CLIP2: variants seen among roughly 807,000 people sequenced by gnomAD.
CLIP2 encodes the protein CAP-Gly domain-containing linker protein 2.
Under a neutral mutation model 111.7 loss-of-function variants are expected in CLIP2, and 41 were observed. That is an observed-to-expected ratio of 0.37 (90% CI 0.29 to 0.48). The LOEUF is 0.48. Among genes scored for constraint, CLIP2 ranks in the 20% least tolerant of loss-of-function variants. CLIP2 has a pLI of 0.99. For missense variants in CLIP2, 1,160 were observed against 1,422.1 expected (o/e 0.82, Z 2.96); for synonymous variants, 660 against 644.2 (o/e 1.02, Z -0.37).
intron 1 of CLIP2, among the ~76,000 whole-genome samples, chr7:74,298,888 A>G (rs1788247379): frequency 6.6e-6 from 1 of 152,102 alleles, no homozygotes; most frequent in African/African-American, 2.4e-5. Context: ...GCCCAGTGAG[A>G]GGAAGGGCAT....
intron 6 of CLIP2, among the ~76,000 whole-genome samples, chr7:74,359,385 G>A (rs1790250223): frequency 1.5e-5 from 2 of 133,448 alleles, no homozygotes; most frequent in Non-Finnish European, 3.1e-5. Flanking sequence ...GCAGAGTCTC[G>A]CTCTGTCGCC....
rs1267215890 is a variant in CLIP2 at position 74,338,378 on chromosome 7, G to C, written c.122-70G>C. 6.6e-7 allele frequency: 1 copy of C among 1,522,880 alleles called. No homozygotes were observed. Among genetic ancestry groups the C allele is most frequent in the African/African-American group, 1.4e-5 (1 of 71,598 alleles). 94.3% of individuals were successfully genotyped at this position (1,522,880 alleles called of 1,614,324 possible). On this transcript the variant is annotated intron_variant, in intron 2 of 16. Transcript: ENST00000223398. This position sits in a 1 kb window ranked among gnomAD's most constrained non-coding sequence, Gnocchi z 4.3. Reference sequence around the variant, plus strand: ...CAGCCACCTCCCAACCCTAGACTCTGTGCTCCTGGGGCCACCCAGGGGCCA... The same window carrying C: ...CAGCCACCTCCCAACCCTAGACTCTCTGCTCCTGGGGCCACCCAGGGGCCA...
chr7:74,347,750 AC>A (rs1454680569), intron 3 of CLIP2, among the ~76,000 whole-genome samples: 2 of 152,250 alleles, frequency 1.3e-5, no homozygotes, highest in East Asian at 3.8e-4. Flanking sequence ...TGAATATGTG[AC>A]TATGAATATT....
At chr7:74,396,597 T>C (rs1385058812) in intron 13 of CLIP2, among the ~76,000 whole-genome samples, 1 of 152,190 alleles carries the variant, frequency 6.6e-6, no homozygotes, top group African/African-American at 2.4e-5. Flanking sequence ...CTTGGCTCAC[T>C]GCAACCTCCA....
At position 74,404,026 on chromosome 7, in the gene CLIP2, C is replaced by T. The variant is rs1263357583; in HGVS notation, c.*178C>T. On this transcript the variant is annotated 3_prime_UTR_variant, in exon 17 of 17. Coordinates refer to ENST00000223398, the MANE Select transcript of CLIP2 (RefSeq NM_003388.5). The stretch of plus-strand genomic sequence containing the variant: ...ACCCCGATCCCTCGCCAGACCAGGA[C>T]GCTTCCTCAAGCCCAGCCTTCTACA... 25 of 694,820 alleles carry T rather than the reference C, an allele frequency of 3.6e-5. No individual in the cohort carries two copies. In the Middle Eastern group the frequency reaches 2.0e-3, roughly 55 times the overall value. 43.0% of individuals were successfully genotyped at this position (694,820 alleles called of 1,614,324 possible).
At chr7:74,302,338 CCCAAGTAGCAG>C (rs564299004) in intron 1 of CLIP2, among the ~76,000 whole-genome samples, 73 of 152,200 alleles carry the variant, frequency 4.8e-4, no homozygotes, top group African/African-American at 1.6e-3. Context: ...GCCTCAGCCT[CCCAAGTAGCAG>C]GGATTACAGG....
intron 1 of CLIP2, among the ~76,000 whole-genome samples, chr7:74,314,848 C>T (rs1009890280): frequency 1.3e-5 from 2 of 152,194 alleles, no homozygotes; most frequent in Non-Finnish European, 1.5e-5. Context: ...CCCTCCGGCC[C>T]CCTGCAGCCA....
intron 1 of CLIP2, among the ~76,000 whole-genome samples, chr7:74,307,881 T>C (rs1337660083): frequency 6.6e-6 from 1 of 152,136 alleles, no homozygotes; most frequent in African/African-American, 2.4e-5. Context: ...GTAGTGTTTC[T>C]GGGGATTTGT....
At position 74,362,057 on chromosome 7, in the gene CLIP2, C is replaced by T. The variant is rs573452292; in HGVS notation, c.1319+1779C>T. On this transcript the variant is annotated intron_variant, in intron 7 of 16. Coordinates refer to ENST00000223398, the MANE Select transcript of CLIP2 (RefSeq NM_003388.5). ...TGGAGGTTGCAGTGAACCGAGATCACACCACTACAGTACAGCTGGGTAACA... is the reference window on the plus strand; with the variant it reads ...TGGAGGTTGCAGTGAACCGAGATCATACCACTACAGTACAGCTGGGTAACA... 4.6e-5 allele frequency among the ~76,000 whole-genome samples: 7 copies of T among 151,188 alleles called. No individual in the cohort carries two copies. The East Asian group carries it at 1.2e-3, about 25-fold the overall frequency.
At chr7:74,389,440 A>T (rs1384735780) in intron 13 of CLIP2, 181 bp downstream of exon 13, 1 of 573,750 alleles carries the variant, frequency 1.7e-6, no homozygotes, top group Non-Finnish European at 2.9e-6. Context: ...AAGCCTCTAC[A>T]CTGTTTTCCA....
chr7:74,402,404 C>T (rs1554317869), intron 16 of CLIP2, among the ~76,000 whole-genome samples: 1 of 151,552 alleles, frequency 6.6e-6, no homozygotes, highest in African/African-American at 2.4e-5. Flanking sequence ...GTAATCCCAG[C>T]TACACGGGAA....
At chr7:74,389,288 C>G in intron 13 of CLIP2, 29 bp downstream of exon 13, 1 of 1,539,726 alleles carries the variant, frequency 6.5e-7, no homozygotes, top group Non-Finnish European at 8.7e-7. Context: ...CGGCTGGGTC[C>G]TCCCTGTGGC....
chr7:74,322,994 G>T (rs557986832), intron 2 of CLIP2, among the ~76,000 whole-genome samples: 4 of 152,160 alleles, frequency 2.6e-5, no homozygotes, highest in Non-Finnish European at 5.9e-5. Context: ...CTTCCAAAGC[G>T]CTGGGATTAC....
intron 3 of CLIP2, among the ~76,000 whole-genome samples, chr7:74,348,167 C>CA (rs112075451): frequency 8.3e-4 from 121 of 146,354 alleles, no homozygotes; most frequent in African/African-American, 2.5e-3. Flanking sequence ...GACTCCATTT[C>CA]AAAAAAAAAC....
chr7:74,394,385 G>T (rs1364653845), intron 13 of CLIP2, among the ~76,000 whole-genome samples: 3 of 151,730 alleles, frequency 2.0e-5, no homozygotes, highest in African/African-American at 7.3e-5. Context: ...CAAGTAGCTG[G>T]GATTACAGGC....
intron 1 of CLIP2, among the ~76,000 whole-genome samples, chr7:74,306,811 G>A (rs1788503617): frequency 2.0e-5 from 3 of 152,176 alleles, no homozygotes; most frequent in Admixed American, 2.0e-4. Flanking sequence ...ACTCCCAGGA[G>A]GTGGTGACAC....
At chr7:74,319,140 G>T (rs1788875886) in intron 2 of CLIP2, among the ~76,000 whole-genome samples, 1 of 152,170 alleles carries the variant, frequency 6.6e-6, no homozygotes, top group South Asian at 2.1e-4. Flanking sequence ...GGGGGATGAG[G>T]TGGGGTGGGG....
intron 1 of CLIP2, among the ~76,000 whole-genome samples, chr7:74,314,853 C>T (rs1490739623): frequency 1.3e-5 from 2 of 152,210 alleles, no homozygotes; most frequent in African/African-American, 2.4e-5. Context: ...CGGCCCCCTG[C>T]AGCCAGTCCC....
intron 4 of CLIP2, among the ~76,000 whole-genome samples, chr7:74,355,854 T>C (rs1238205752): frequency 6.6e-6 from 1 of 152,208 alleles, no homozygotes; most frequent in Non-Finnish European, 1.5e-5. Context: ...GCAGGGATTC[T>C]GTGGGCAGAG....
Sources: gnomAD v4.1 joint callset for allele counts (sites outside exome capture counted in the v4.1 genomes callset) on GRCh38, gnomAD v4.1.1 for gene constraint, Gnocchi (gnomAD v3.1) non-coding constraint, MANE v1.5 for transcripts, NCBI Gene and HGNC (gene_info 2026-07-23, HGNC 2026-07-21) for gene names.